SPHKAP: variants seen among roughly 807,000 people sequenced by gnomAD.
SPHKAP encodes SPHK1 interactor, AKAP domain containing, also known as A-kinase anchor protein SPHKAP.
In SPHKAP, 67 loss-of-function variants were observed where a neutral mutation model predicts 137.5. The ratio of observed to expected loss-of-function variants is 0.49; its 90% confidence interval spans 0.40 to 0.60. The LOEUF is 0.60. Ranked by LOEUF, SPHKAP falls within the 20% of genes least tolerant of loss-of-function variation. SPHKAP has a pLI of 0.00. For synonymous variants in SPHKAP, 813 were observed against 785.3 expected (o/e 1.04, Z -0.59); for missense variants, 2,097 against 2,069.3 (o/e 1.01, Z -0.26).
intron 3 of SPHKAP, among the ~76,000 whole-genome samples, chr2:228,031,733 C>T (rs114445288): frequency 2.4e-4 from 36 of 152,222 alleles, no homozygotes; most frequent in South Asian, 1.0e-3. Flanking sequence ...CTACAGCCAC[C>T]GCTGTTCTGT....
chr2:228,015,827 G>A (rs1694561990), intron 7 of SPHKAP, among the ~76,000 whole-genome samples: 2 of 152,132 alleles, frequency 1.3e-5, no homozygotes, highest in Non-Finnish European at 1.5e-5. Context: ...CTTGAAAGGA[G>A]AGACTCTATG....
intron 3 of SPHKAP, among the ~76,000 whole-genome samples, chr2:228,093,120 C>T (rs1697859484): frequency 6.6e-6 from 1 of 152,108 alleles, no homozygotes; most frequent in African/African-American, 2.4e-5. Flanking sequence ...AGCCAAAAGA[C>T]AGATAATAAC....
intron 7 of SPHKAP, among the ~76,000 whole-genome samples, chr2:228,012,119 G>A (rs1694398505): frequency 7.0e-6 from 1 of 142,660 alleles, no homozygotes; most frequent in Admixed American, 7.4e-5. Context: ...GGTGAGCCAT[G>A]GTTGCACCAC....
intron 2 of SPHKAP, among the ~76,000 whole-genome samples, chr2:228,113,221 T>A (rs753711057): frequency 2.0e-5 from 3 of 152,200 alleles, no homozygotes; most frequent in Non-Finnish European, 2.9e-5. Flanking sequence ...ATTTAGATGA[T>A]TCATTATTAA....
At chr2:228,130,326 A>C (rs2106373493) in intron 2 of SPHKAP, among the ~76,000 whole-genome samples, 1 of 152,308 alleles carries the variant, frequency 6.6e-6, no homozygotes, top group African/African-American at 2.4e-5. Context: ...CTGTAGAGTA[A>C]TATTAGTGAT....
At chr2:228,123,102 C>T (rs1698964802) in intron 2 of SPHKAP, among the ~76,000 whole-genome samples, 2 of 152,312 alleles carry the variant, frequency 1.3e-5, no homozygotes, top group African/African-American at 4.8e-5. Context: ...TATCCCTATC[C>T]CCATCCAGTA....
At chr2:227,982,242 A>G (rs2106146897) in intron 11 of SPHKAP, 1 of 985,216 alleles carries the variant, frequency 1.0e-6, no homozygotes, top group East Asian at 1.1e-4. Flanking sequence ...TTCTATTTCT[A>G]TCACAAATAA....
At position 228,003,568 on chromosome 2, in the gene SPHKAP, C is replaced by T. The variant is rs147848779; in HGVS notation, c.4449-7874G>A. On this transcript the variant is annotated intron_variant, in intron 7 of 11. Transcript: ENST00000392056. ...AATACCTTTATTTCTTTCCCCTGCC[C>T]GATTGCCCTGTCCAGAACTTCCAAA... Among the ~76,000 whole-genome samples the T allele has an allele frequency of 7.7e-3, 1,170 of 152,218 alleles. 14 individuals carry two copies. Among genetic ancestry groups the T allele is most frequent in the African/African-American group, 0.025 (1,037 of 41,540 alleles).
chr2:228,038,855 C>T (rs1695733333), intron 3 of SPHKAP, among the ~76,000 whole-genome samples: 1 of 152,222 alleles, frequency 6.6e-6, no homozygotes, highest in Middle Eastern at 3.4e-3. Context: ...GAATGAATTC[C>T]AATGAATGTA....
At chr2:228,116,349 A>G (rs930020881) in intron 2 of SPHKAP, among the ~76,000 whole-genome samples, 2 of 152,140 alleles carry the variant, frequency 1.3e-5, no homozygotes, top group African/African-American at 4.8e-5. Context: ...CAATTCTTCC[A>G]TTATTTAACT....
intron 3 of SPHKAP, among the ~76,000 whole-genome samples, chr2:228,048,686 G>C (rs1211160112): frequency 6.6e-6 from 1 of 152,116 alleles, no homozygotes; most frequent in Non-Finnish European, 1.5e-5. Context: ...TGCTGTACAG[G>C]TTTGTAGCCG....
chr2:227,999,718 G>A (rs574139897), intron 7 of SPHKAP, among the ~76,000 whole-genome samples: 1 of 152,294 alleles, frequency 6.6e-6, no homozygotes, highest in East Asian at 1.9e-4. Context: ...AGTTCAGAAT[G>A]AATAATCATT....
At chr2:228,135,546 T>C (rs1699412750) in intron 1 of SPHKAP, among the ~76,000 whole-genome samples, 1 of 152,220 alleles carries the variant, frequency 6.6e-6, no homozygotes, top group African/African-American at 2.4e-5. Context: ...TAATGGCAAG[T>C]CTACCTACAG....
At chr2:228,105,228 A>G (rs1277350366) in intron 3 of SPHKAP, among the ~76,000 whole-genome samples, 2 of 152,178 alleles carry the variant, frequency 1.3e-5, no homozygotes, top group Non-Finnish European at 2.9e-5. Context: ...TCAGCCTCCC[A>G]AAGTGCTGTG....
At chr2:228,136,450 A>T (rs1190186862) in intron 1 of SPHKAP, among the ~76,000 whole-genome samples, 1 of 152,230 alleles carries the variant, frequency 6.6e-6, no homozygotes, top group Non-Finnish European at 1.5e-5. Flanking sequence ...CTAAGTTGCC[A>T]CTGTACTGCT....
At chr2:228,032,983 T>C (rs1314043964) in intron 3 of SPHKAP, among the ~76,000 whole-genome samples, 1 of 151,906 alleles carries the variant, frequency 6.6e-6, no homozygotes, top group East Asian at 1.9e-4. Flanking sequence ...ACGAGCAAAA[T>C]AACCAGCTAA....
intron 3 of SPHKAP, among the ~76,000 whole-genome samples, chr2:228,067,710 A>G (rs1696872163): frequency 6.6e-6 from 1 of 152,224 alleles, no homozygotes. Flanking sequence ...CTAGAAGAAA[A>G]AATGACACTG....
At chr2:228,049,020 C>T (rs180944678) in intron 3 of SPHKAP, among the ~76,000 whole-genome samples, 12 of 152,254 alleles carry the variant, frequency 7.9e-5, no homozygotes, top group African/African-American at 2.6e-4. Flanking sequence ...TGGGACGGTG[C>T]TTGAGAGCCC....
At chr2:228,118,918 C>A (rs1475610624) in intron 2 of SPHKAP, among the ~76,000 whole-genome samples, 1 of 152,046 alleles carries the variant, frequency 6.6e-6, no homozygotes, top group Non-Finnish European at 1.5e-5. Flanking sequence ...TGTAGGAGGA[C>A]ACGTCATAAT....
Sources: allele counts gnomAD v4.1 joint callset (sites outside exome capture counted in the v4.1 genomes callset), GRCh38; gene constraint gnomAD v4.1.1; transcripts MANE v1.5; gene names NCBI Gene and HGNC (gene_info 2026-07-23, HGNC 2026-07-21).